Variants in PAX7 observed in about 807,000 individuals in gnomAD.
PAX7 encodes paired box 7, also known as paired box protein Pax-7.
In PAX7, 18 loss-of-function variants were observed where a neutral mutation model predicts 50.7. That is an observed-to-expected ratio of 0.36 (90% CI 0.25 to 0.53). PAX7 has a LOEUF of 0.53. PAX7 is among the 20% of genes least tolerant of loss of function. The pLI is 0.93. For missense variants in PAX7, 644 were observed against 702.9 expected (o/e 0.92, Z 0.95); for synonymous variants, 310 against 290.4 (o/e 1.07, Z -0.69).
At chr1:18,733,540 G>A (rs1452754548) in intron 7 of PAX7, among the ~76,000 whole-genome samples, 1 of 152,166 alleles carries the variant, frequency 6.6e-6, no homozygotes, top group Non-Finnish European at 1.5e-5. Flanking sequence ...GTCTCAGCTG[G>A]TCTGAGCTCT....
chr1:18,641,977 C>T (rs1235388613), intron 4 of PAX7, among the ~76,000 whole-genome samples: 1 of 151,528 alleles, frequency 6.6e-6, no homozygotes, highest in Non-Finnish European at 1.5e-5. Context: ...TCCCGCGGCC[C>T]CCTCCCCTTT....
At chr1:18,730,065 G>A (rs2089627903) in intron 7 of PAX7, among the ~76,000 whole-genome samples, 1 of 152,050 alleles carries the variant, frequency 6.6e-6, no homozygotes, top group South Asian at 2.1e-4. Context: ...AGAGGTGTCG[G>A]GGAGGTGAAA....
At chr1:18,720,519 T>C (rs886600331) in intron 7 of PAX7, among the ~76,000 whole-genome samples, 2 of 151,752 alleles carry the variant, frequency 1.3e-5, no homozygotes, top group Admixed American at 1.3e-4. Flanking sequence ...AAGGAAGTGG[T>C]CAGAGAGACA....
chr1:18,660,958 G>A (rs2088591952), intron 4 of PAX7, among the ~76,000 whole-genome samples: 1 of 152,158 alleles, frequency 6.6e-6, no homozygotes, highest in Admixed American at 6.5e-5. Context: ...GGTTTTGTAA[G>A]GCTGAAGTGA....
intron 4 of PAX7, among the ~76,000 whole-genome samples, chr1:18,683,495 A>G (rs907113990): frequency 6.6e-6 from 1 of 152,212 alleles, no homozygotes; most frequent in Non-Finnish European, 1.5e-5. Flanking sequence ...GAATCAATGA[A>G]TTTGAATGAA....
intron 7 of PAX7, among the ~76,000 whole-genome samples, chr1:18,714,534 T>C (rs1046424327): frequency 4.6e-5 from 7 of 152,232 alleles, no homozygotes; most frequent in Non-Finnish European, 2.9e-5. Context: ...TGGTCAAAGG[T>C]TGGAAACTCA....
At chr1:18,678,034 A>T (rs528044846) in intron 4 of PAX7, among the ~76,000 whole-genome samples, 1 of 150,160 alleles carries the variant, frequency 6.7e-6, no homozygotes, top group African/African-American at 2.4e-5. Context: ...CTGAGCCAAG[A>T]TCGTGCCACT....
intron 7 of PAX7, among the ~76,000 whole-genome samples, chr1:18,734,256 G>T (rs542628030): frequency 1.3e-5 from 2 of 152,148 alleles, no homozygotes; most frequent in African/African-American, 4.8e-5. Flanking sequence ...GTGGTTCTCC[G>T]TCTCGGTGCT....
chr1:18,710,283 T>C (rs760313607), intron 7 of PAX7, among the ~76,000 whole-genome samples: 2 of 152,200 alleles, frequency 1.3e-5, no homozygotes, highest in Non-Finnish European at 2.9e-5. Context: ...TCACCACCAC[T>C]TGACTCTCAG....
Position 18,632,044 on chromosome 1 carries a change from C to T in PAX7, c.85+356C>T, listed in dbSNP as rs1018948708. Among the ~76,000 whole-genome samples the T allele has an allele frequency of 6.6e-6, 1 of 152,176 alleles. No individual in the cohort carries two copies. The highest frequency in any genetic ancestry group is 1.5e-5 in the Non-Finnish European group (1 of 68,040). On this transcript the variant is annotated intron_variant, in intron 1 of 8. Coordinates refer to ENST00000420770, the MANE Select transcript of PAX7 (RefSeq NM_001135254.2). The surrounding 1 kb of genome is among the most constrained non-coding windows in gnomAD (Gnocchi z 6.3). Reference sequence around the variant, plus strand: ...TCTTCCCTGACAGTTTCTCGGCTCTCCTGGCTCGCTGGCTGCCAGCTTTCT... The same window carrying T: ...TCTTCCCTGACAGTTTCTCGGCTCTTCTGGCTCGCTGGCTGCCAGCTTTCT...
chr1:18,719,351 G>A (rs1024747724), intron 7 of PAX7, among the ~76,000 whole-genome samples: 1 of 152,220 alleles, frequency 6.6e-6, no homozygotes, highest in Non-Finnish European at 1.5e-5. Context: ...GCTTTTGAGG[G>A]AGATCCGCCC....
At chr1:18,689,495 C>G (rs571626) in intron 4 of PAX7, among the ~76,000 whole-genome samples, 142,152 of 152,232 alleles carry the variant, frequency 0.93, 66,580 homozygotes, top group African/African-American at 0.98. Flanking sequence ...TGGGGATGAG[C>G]CAGGCCATGA....
chr1:18,747,657 A>G lies in PAX7; in HGVS notation c.*2728A>G, dbSNP rs1478651077. The G allele has an allele frequency of 4.8e-6, 1 of 210,034 alleles. No individual in the cohort carries two copies. Among genetic ancestry groups the G allele is most frequent in the Non-Finnish European group, 9.7e-6 (1 of 103,170 alleles). 13.0% of individuals were successfully genotyped at this position (210,034 alleles called of 1,614,324 possible). ...AACCCCCATCCATCCCTGTAAATAGAGTCTGTAGCAAAATAAGAGCTGCTT... is the reference window on the plus strand; with the variant it reads ...AACCCCCATCCATCCCTGTAAATAGGGTCTGTAGCAAAATAAGAGCTGCTT... On this transcript the variant is annotated 3_prime_UTR_variant, in exon 9 of 9. Coordinates refer to ENST00000420770, the MANE Select transcript of PAX7 (RefSeq NM_001135254.2).
At position 18,631,235 on chromosome 1, in the gene PAX7, G is replaced by A. The variant is rs926193963; in HGVS notation, c.-369G>A. 2.8e-5 allele frequency: 7 copies of A among 248,770 alleles called. No homozygotes were observed. Among genetic ancestry groups the A allele is most frequent in the African/African-American group, 4.4e-5 (2 of 45,782 alleles). The allele number at this position is 248,770 out of a possible 1,614,324, so 15.4% of individuals were successfully genotyped here. ...CCTCGATTCCGGCCGCGTTCCCCCG[G>A]CCCCCCTCCGCCGCGGGGCCTGGTC... is the stretch of plus-strand genomic sequence containing the variant. On this transcript the variant is annotated 5_prime_UTR_variant, in exon 1 of 9. Transcript: ENST00000420770.
rs1412938271 is a variant in PAX7, at chr1:18,748,058, T to G, written c.*3129T>G. On this transcript the variant is annotated 3_prime_UTR_variant, in exon 9 of 9. Transcript: ENST00000420770. ...CTTCCATTTTATACTTGATTTAGCT[T>G]TGTTGTTCTTTTGCCAGAGGAACAT... 4.8e-6 allele frequency: 1 copy of G among 210,010 alleles called. No individual in the cohort carries two copies. The highest frequency in any genetic ancestry group is 2.3e-5 in the African/African-American group (1 of 44,080). The allele number at this position is 210,010 out of a possible 1,614,324, so 13.0% of individuals were successfully genotyped here.
chr1:18,720,829 C>A (rs2089484134), intron 7 of PAX7, among the ~76,000 whole-genome samples: 1 of 151,040 alleles, frequency 6.6e-6, no homozygotes, highest in Non-Finnish European at 1.5e-5. Flanking sequence ...AAGGGTGGGG[C>A]CAGGAGAGGA....
At chr1:18,718,783 C>T (rs1451361833) in intron 7 of PAX7, among the ~76,000 whole-genome samples, 1 of 152,028 alleles carries the variant, frequency 6.6e-6, no homozygotes, top group African/African-American at 2.4e-5. Context: ...GCTGGGATTA[C>T]AGGCATGCAC....
intron 8 of PAX7, among the ~76,000 whole-genome samples, chr1:18,738,788 A>G (rs1363941412): frequency 6.6e-6 from 1 of 152,060 alleles, no homozygotes; most frequent in Admixed American, 6.5e-5. Context: ...TCTGCCCCCA[A>G]TTAGTGCAGG....
At position 18,700,762 on chromosome 1, in the gene PAX7, C is replaced by T. The variant is rs2089208942; in HGVS notation, c.896C>T (p.Thr299Met). 1.3e-6 allele frequency: 2 copies of T among 1,591,410 alleles called. No individual in the cohort carries two copies. The highest frequency in any genetic ancestry group is 1.7e-6 in the Non-Finnish European group (2 of 1,169,858). The change falls in exon 6 of 9, where the codon ACG becomes ATG. Residue 299 changes from threonine to methionine, a missense_variant. Transcript: ENST00000420770. This position sits in a 1 kb window ranked among gnomAD's most constrained non-coding sequence, Gnocchi z 4.8. ...PGGFPPTGMP[T>M]LPPYQLPDST... ...GGCTTCCCACCCACCGGCATGCCCA[C>T]GCTGCCCCCCTACCAGCTGCCGGAC...
Sources: gnomAD v4.1 joint callset for allele counts (sites outside exome capture counted in the v4.1 genomes callset) on GRCh38, gnomAD v4.1.1 for gene constraint, Gnocchi (gnomAD v3.1) non-coding constraint, MANE v1.5 for transcripts, NCBI Gene and HGNC (gene_info 2026-07-23, HGNC 2026-07-21) for gene names.